DENND2B: variants seen among roughly 807,000 people sequenced by gnomAD.
DENND2B encodes the protein DENN domain-containing protein 2B.
A neutral mutation model predicts 116.0 loss-of-function variants in DENND2B; 32 were observed. That is an observed-to-expected ratio of 0.28 (90% CI 0.21 to 0.37). DENND2B has a LOEUF of 0.37. Among genes scored for constraint, DENND2B ranks in the 10% least tolerant of loss-of-function variants. The pLI, the probability that DENND2B is intolerant of heterozygous loss-of-function variation, is 1.00. For synonymous variants in DENND2B, 588 were observed against 583.9 expected, an observed-to-expected ratio of 1.01 and a Z score of -0.10; for missense variants, 1,276 against 1,477.7, an observed-to-expected ratio of 0.86 and a Z score of 2.24.
At chr11:8,874,154 C>T (rs1051379102), upstream of DENND2B, among the ~76,000 whole-genome samples, 9 of 152,210 alleles carry the variant, frequency 5.9e-5, no homozygotes, top group African/African-American at 2.2e-4. Flanking sequence ...CATACGTCTC[C>T]TCCACCCGCA....
chr11:8,871,598 A>AT (rs901045251), upstream of DENND2B, among the ~76,000 whole-genome samples: 17 of 152,264 alleles, frequency 1.1e-4, no homozygotes, highest in African/African-American at 4.1e-4. Context: ...GGGGAGCCCT[A>AT]CAAAACCCAA....
intron 1 of DENND2B, among the ~76,000 whole-genome samples, chr11:8,764,942 C>CAAAAAAA (rs35421038): frequency 3.0e-5 from 3 of 100,288 alleles, no homozygotes; most frequent in African/African-American, 3.9e-5. Context: ...GAGACTGTCT[C>CAAAAAAA]AAAAAAAAAA....
chr11:8,715,832 G>C lies in DENND2B; in HGVS notation c.1630-14C>G. ...TTTCAGGGAAAGCTGGCGTGGGGGA[G>C]AGGACGTGCGAGAGGGGCTTGCCAC... On this transcript the variant is annotated splice_polypyrimidine_tract_variant and intron_variant, in intron 5 of 19. Coordinates refer to ENST00000313726, the MANE Select transcript of DENND2B (RefSeq NM_213618.2). 3 of 1,582,846 alleles carry C rather than the reference G, an allele frequency of 1.9e-6. No individual in the cohort carries two copies. In the South Asian group the frequency reaches 3.4e-5, roughly 18 times the overall value.
intron 3 of DENND2B, among the ~76,000 whole-genome samples, chr11:8,726,560 G>A (rs2047113006): frequency 6.6e-6 from 1 of 152,214 alleles, no homozygotes; most frequent in South Asian, 2.1e-4. Flanking sequence ...TGTGAAAGAG[G>A]AGATGGAAGT....
chr11:8,718,692 AG>A (rs1414576092), intron 4 of DENND2B: 1 of 1,186,786 alleles, frequency 8.4e-7, no homozygotes, highest in African/African-American at 1.6e-5. Context: ...GGTGGGGGTG[AG>A]GGGAGTTCTT....
intron 13 of DENND2B, chr11:8,703,046 C>T: frequency 3.3e-6 from 1 of 300,932 alleles, no homozygotes. Context: ...AAGAAGGGAA[C>T]CACACAGCCA....
chr11:8,696,760 C>T (rs2040431140), intron 17 of DENND2B, 94 bp from the exon 18 acceptor site: 3 of 1,537,762 alleles, frequency 2.0e-6, no homozygotes, highest in African/African-American at 2.8e-5. Context: ...CCCAACAAGA[C>T]TTCCAGCCAG....
At chr11:8,779,125 G>A (rs996343774) in intron 1 of DENND2B, among the ~76,000 whole-genome samples, 1 of 152,200 alleles carries the variant, frequency 6.6e-6, no homozygotes, top group African/African-American at 2.4e-5. Context: ...TGCAAGTGTG[G>A]GACACAAACT....
At chr11:8,739,093 A>C (rs2049685593) in intron 2 of DENND2B, among the ~76,000 whole-genome samples, 1 of 152,234 alleles carries the variant, frequency 6.6e-6, no homozygotes, top group Non-Finnish European at 1.5e-5. Flanking sequence ...AAAAGGAATT[A>C]TTATTTGTGT....
intron 2 of DENND2B, among the ~76,000 whole-genome samples, chr11:8,879,602 AC>A (rs1409141123): frequency 6.6e-6 from 1 of 152,200 alleles, no homozygotes; most frequent in Non-Finnish European, 1.5e-5. Flanking sequence ...GTCAAAAATC[AC>A]CCAAAGAGAA....
intron 1 of DENND2B, among the ~76,000 whole-genome samples, chr11:8,759,887 C>T (rs1259408494): frequency 2.6e-5 from 4 of 152,200 alleles, no homozygotes; most frequent in African/African-American, 7.2e-5. Flanking sequence ...CAATACTGGC[C>T]CTCAGATTCT....
chr11:8,773,202 G>C (rs1419409395), intron 1 of DENND2B, among the ~76,000 whole-genome samples: 1 of 152,006 alleles, frequency 6.6e-6, no homozygotes, highest in Non-Finnish European at 1.5e-5. Context: ...ATGTGCCTGG[G>C]ACCCAAAGCA....
In DENND2B at chr11:8,695,530, C is replaced by T; in HGVS notation, c.3312G>A (p.Val1104=). 1 of 1,613,942 alleles carries T rather than the reference C, an allele frequency of 6.2e-7. No individual in the cohort carries two copies. The highest frequency in any genetic ancestry group is 8.5e-7 in the Non-Finnish European group (1 of 1,180,032). The part of the protein sequence containing the change: ...CRAKGLFEQR[V]EQYLEELPDT... ...CTGGGAGTTCTTCTAAGTACTGCTC[C>T]ACTCGCTGCTCAAAAAGGCCTGGGT... The change falls in exon 19 of 20, where the codon GTG becomes GTA. Residue 1104 remains valine (V), a synonymous_variant. Coordinates refer to ENST00000313726, the MANE Select transcript of DENND2B (RefSeq NM_213618.2).
chr11:8,731,152 C>T lies in DENND2B; in HGVS notation c.138G>A (p.Pro46=), dbSNP rs150863750. ...AGGCTGAGGTTTCACTATCACTGAGCGGGTAGATGGGACTCCTTGGTGGGG... is the reference window on the plus strand; with the variant it reads ...AGGCTGAGGTTTCACTATCACTGAGTGGGTAGATGGGACTCCTTGGTGGGG... ...VLSPPRSPIY[P]LSDSETSACR... The change falls in exon 3 of 20, where the codon CCG becomes CCA. Residue 46 remains proline (P), a synonymous_variant. Coordinates refer to ENST00000313726, the MANE Select transcript of DENND2B (RefSeq NM_213618.2). 49 of 1,563,420 alleles carry T rather than the reference C, an allele frequency of 3.1e-5. No individual in the cohort carries two copies. The African/African-American group carries it at 4.8e-4, about 15-fold the overall frequency.
At chr11:8,897,132 C>G (rs1324059261) in intron 1 of DENND2B, among the ~76,000 whole-genome samples, 2 of 152,020 alleles carry the variant, frequency 1.3e-5, no homozygotes, top group Non-Finnish European at 2.9e-5. Flanking sequence ...TGGTGCATGC[C>G]TGTAATCCCA....
At chr11:8,881,924 C>T (rs913020520) in intron 1 of DENND2B, among the ~76,000 whole-genome samples, 1 of 152,162 alleles carries the variant, frequency 6.6e-6, no homozygotes, top group African/African-American at 2.4e-5. Flanking sequence ...ATATCTCTAT[C>T]AACTCCTGTC....
At chr11:8,718,832 G>A in intron 4 of DENND2B, 1 of 997,234 alleles carries the variant, frequency 1.0e-6, no homozygotes, top group Non-Finnish European at 1.2e-6. Flanking sequence ...TCCACAAGCT[G>A]TATCTCCTGC....
chr11:8,790,185 T>C (rs1043699012), intron 1 of DENND2B, among the ~76,000 whole-genome samples: 2 of 152,234 alleles, frequency 1.3e-5, no homozygotes, highest in African/African-American at 4.8e-5. Flanking sequence ...AAAGGAACTA[T>C]GCCTCCTTCA....
In DENND2B at chr11:8,702,956, C is replaced by G. The variant is rs575927663; in HGVS notation, c.2572-236G>C. On this transcript the variant is annotated intron_variant, in intron 13 of 19. Coordinates refer to ENST00000313726, the MANE Select transcript of DENND2B (RefSeq NM_213618.2). This position sits in a 1 kb window ranked among gnomAD's most constrained non-coding sequence, Gnocchi z 4.6. ...GGGCTGCCTGTGAAAGCGGGGAAGGCTCCAGAAGGAAGGAGTTGAGGGGCC... is the reference window on the plus strand; with the variant it reads ...GGGCTGCCTGTGAAAGCGGGGAAGGGTCCAGAAGGAAGGAGTTGAGGGGCC... The G allele has an allele frequency of 1.9e-6, 1 of 539,440 alleles. No homozygotes were observed. Among genetic ancestry groups the G allele is most frequent in the African/African-American group, 1.9e-5 (1 of 52,702 alleles). The allele number at this position is 539,440 out of a possible 1,614,324, so 33.4% of individuals were successfully genotyped here.
Sources: gnomAD v4.1 joint callset for allele counts (sites outside exome capture counted in the v4.1 genomes callset) on GRCh38, gnomAD v4.1.1 for gene constraint, Gnocchi (gnomAD v3.1) non-coding constraint, MANE v1.5 for transcripts, NCBI Gene and HGNC (gene_info 2026-07-23, HGNC 2026-07-21) for gene names.